UGP2: variants seen among roughly 807,000 people sequenced by gnomAD.
UGP2 encodes the protein UTP--glucose-1-phosphate uridylyltransferase.
UGP2 carries 40 observed loss-of-function variants against 49.0 expected under a neutral mutation model. The observed-to-expected ratio is 0.82, with a 90% CI of 0.63 to 1.06. The LOEUF is 1.06. Ranked by LOEUF, UGP2 falls within the 50% of genes least tolerant of loss-of-function variation. The probability of loss-of-function intolerance (pLI) is 0.00; values close to 1 mark genes in which losing one functional copy is unlikely to be tolerated. For missense variants in UGP2, 460 were observed against 603.5 expected (o/e 0.76, Z 2.49); for synonymous variants, 225 against 213.0 (o/e 1.06, Z -0.49).
chr2:63,880,399 C>G (rs1348391205), intron 3 of UGP2, among the ~76,000 whole-genome samples: 2 of 152,020 alleles, frequency 1.3e-5, no homozygotes, highest in African/African-American at 4.8e-5. Flanking sequence ...GTCTCAAACC[C>G]CTAGGCTGCC....
chr2:63,865,142 C>A (rs1384057820), intron 3 of UGP2, among the ~76,000 whole-genome samples: 1 of 152,150 alleles, frequency 6.6e-6, no homozygotes, highest in Admixed American at 6.5e-5. Context: ...CTATCAAATA[C>A]CCACTGTTTT....
At chr2:63,873,852 A>T (rs1478525231) in intron 3 of UGP2, among the ~76,000 whole-genome samples, 4 of 152,220 alleles carry the variant, frequency 2.6e-5, no homozygotes, top group African/African-American at 9.6e-5. Context: ...GAGAGAGGCA[A>T]TCCAGAGTTA....
intron 2 of UGP2, 172 bp from the exon 3 acceptor site, chr2:63,857,657 C>T (rs369453296): frequency 6.3e-5 from 44 of 697,620 alleles, no homozygotes; most frequent in Middle Eastern, 5.1e-4. Context: ...GCACCAACTA[C>T]GCCCAGCCTG....
intron 3 of UGP2, among the ~76,000 whole-genome samples, chr2:63,876,890 A>G (rs1203781337): frequency 6.6e-6 from 1 of 152,246 alleles, no homozygotes; most frequent in African/African-American, 2.4e-5. Flanking sequence ...TACATTTTAA[A>G]TTCAAACTCA....
At chr2:63,853,433 T>C (rs1237641280) in intron 1 of UGP2, among the ~76,000 whole-genome samples, 1 of 152,096 alleles carries the variant, frequency 6.6e-6, no homozygotes, top group Non-Finnish European at 1.5e-5. Flanking sequence ...AGTTCTATGG[T>C]TATTTGGATC....
intron 7 of UGP2, 91 bp from the exon 8 acceptor site, chr2:63,887,311 T>A: frequency 6.7e-7 from 1 of 1,493,852 alleles, no homozygotes. Context: ...ATCTCTGAAA[T>A]CACTTCCCAA....
chr2:63,883,773 A>C (rs953104782), intron 4 of UGP2, among the ~76,000 whole-genome samples, 187 bp from the exon 5 acceptor site: 1 of 152,238 alleles, frequency 6.6e-6, no homozygotes, highest in African/African-American at 2.4e-5. Context: ...TTAATGAGCA[A>C]GTGCATGGTG....
intron 6 of UGP2, 119 bp from the exon 7 acceptor site, chr2:63,886,222 A>G: frequency 9.6e-7 from 1 of 1,046,706 alleles, no homozygotes; most frequent in Non-Finnish European, 1.4e-6. Flanking sequence ...TTTTATGAAA[A>G]TTTACTCTGT....
At chr2:63,863,686 G>A (rs1260123725) in intron 3 of UGP2, among the ~76,000 whole-genome samples, 2 of 152,180 alleles carry the variant, frequency 1.3e-5, no homozygotes, top group African/African-American at 2.4e-5. Context: ...ACATTATAAA[G>A]CTATCCAAGC....
intron 3 of UGP2, among the ~76,000 whole-genome samples, chr2:63,869,683 A>G (rs1670418789): frequency 6.6e-6 from 1 of 152,320 alleles, no homozygotes; most frequent in African/African-American, 2.4e-5. Context: ...GTAGCAGATT[A>G]TATTGAAGGA....
chr2:63,886,595 C>T, intron 7 of UGP2, 57 bp downstream of exon 7: 2 of 1,583,492 alleles, frequency 1.3e-6, no homozygotes, highest in Non-Finnish European at 1.7e-6. Flanking sequence ...TAGTAGGCTA[C>T]ACACAGACCC....
At chr2:63,884,937 C>A (rs902629578) in intron 5 of UGP2, among the ~76,000 whole-genome samples, 12 of 137,490 alleles carry the variant, frequency 8.7e-5, no homozygotes, top group Non-Finnish European at 1.9e-4. Context: ...AAGGACATTT[C>A]TAAAGTTGTG....
chr2:63,883,842 T>A lies in UGP2; in HGVS notation c.442-118T>A, dbSNP rs564473291. On this transcript the variant is annotated intron_variant, in intron 4 of 9. Coordinates refer to ENST00000337130, the MANE Select transcript of UGP2 (RefSeq NM_006759.4). Reference sequence around the variant, plus strand: ...CAGTTTTTTGTCAAATCTGTATATTTGGCTACGTACAGATGATGTTTTAGA... The same window carrying A: ...CAGTTTTTTGTCAAATCTGTATATTAGGCTACGTACAGATGATGTTTTAGA... 1.6e-5 allele frequency: 21 copies of A among 1,282,070 alleles called. No individual in the cohort carries two copies. The Admixed American group carries it at 3.2e-4, about 20-fold the overall frequency. 79.4% of individuals were successfully genotyped at this position (1,282,070 alleles called of 1,614,324 possible). A position where few individuals can be genotyped will look rare whatever the true frequency, so the allele number is the denominator to read the frequency against.
chr2:63,845,684 T>C (rs1037729550), intron 1 of UGP2, among the ~76,000 whole-genome samples: 1 of 152,200 alleles, frequency 6.6e-6, no homozygotes, highest in African/African-American at 2.4e-5. Context: ...TATGATGTAC[T>C]GTATTAGGAT....
Position 63,891,334 on chromosome 2 carries a change from A to G in UGP2, c.*107A>G, listed in dbSNP as rs1423321806. The G allele has an allele frequency of 2.4e-6, 2 of 820,090 alleles. No homozygotes were observed. Among genetic ancestry groups the G allele is most frequent in the East Asian group, 2.9e-5 (1 of 34,548 alleles). The allele number at this position is 820,090 out of a possible 1,614,324, so 50.8% of individuals were successfully genotyped here. The stretch of plus-strand genomic sequence containing the variant: ...ACTTTACTATGTTACTGTACCCTGC[A>G]GTGTTGATTTTTAAAATAGAGTTTT... On this transcript the variant is annotated 3_prime_UTR_variant, in exon 10 of 10. Coordinates refer to ENST00000337130, the MANE Select transcript of UGP2 (RefSeq NM_006759.4).
At chr2:63,874,016 TGCCCTTTCACAGA>T (rs1438336066) in intron 3 of UGP2, among the ~76,000 whole-genome samples, 1 of 152,226 alleles carries the variant, frequency 6.6e-6, no homozygotes, top group East Asian at 1.9e-4. Context: ...GCACAGACCC[TGCCCTTTCACAGA>T]GACTTCCTGG....
chr2:63,844,893 C>T (rs1319670203), intron 1 of UGP2, among the ~76,000 whole-genome samples: 1 of 152,148 alleles, frequency 6.6e-6, no homozygotes, highest in East Asian at 1.9e-4. Context: ...TGTCTAAAAC[C>T]CTAGTCCTTC....
chr2:63,860,796 G>T (rs918144221), intron 3 of UGP2, among the ~76,000 whole-genome samples: 1 of 147,012 alleles, frequency 6.8e-6, no homozygotes, highest in African/African-American at 2.5e-5. Flanking sequence ...TAGAGACAGG[G>T]TCTCCCTATG....
At chr2:63,872,250 A>T (rs1195586274) in intron 3 of UGP2, among the ~76,000 whole-genome samples, 1 of 152,360 alleles carries the variant, frequency 6.6e-6, no homozygotes, top group East Asian at 1.9e-4. Context: ...GCCATTGATT[A>T]TAAGTTACAC....
Sources: gnomAD v4.1 joint callset for allele counts (sites outside exome capture counted in the v4.1 genomes callset) on GRCh38, gnomAD v4.1.1 for gene constraint, MANE v1.5 for transcripts, NCBI Gene and HGNC (gene_info 2026-07-23, HGNC 2026-07-21) for gene names.